ZNF709: variants seen among roughly 807,000 people sequenced by gnomAD.
ZNF709 encodes the protein zinc finger protein 709.
In ZNF709, 15 loss-of-function variants were observed where a neutral mutation model predicts 10.6. That is an observed-to-expected ratio of 1.41 (90% CI 0.95 to 2.18). The LOEUF is 2.18. Ranked by LOEUF, ZNF709 falls within the 30% of genes most tolerant of loss-of-function variation. ZNF709 has a pLI of 0.00. For missense variants in ZNF709, 589 were observed against 774.0 expected, an observed-to-expected ratio of 0.76 and a Z score of 2.84; for synonymous variants, 194 against 238.8, an observed-to-expected ratio of 0.81 and a Z score of 1.73.
chr19:12,468,092 G>A (rs1470992250), intron 1 of ZNF709, among the ~76,000 whole-genome samples: 1 of 149,224 alleles, frequency 6.7e-6, no homozygotes, highest in Non-Finnish European at 1.5e-5. Flanking sequence ...CCCCCGCCCG[G>A]CCAGCCGCCC....
chr19:12,467,254 C>T (rs1490594687), intron 1 of ZNF709, among the ~76,000 whole-genome samples: 1 of 152,238 alleles, frequency 6.6e-6, no homozygotes, highest in Admixed American at 6.5e-5. Context: ...TCTCCTGCCT[C>T]AGCCTGCCGA....
intron 1 of ZNF709, among the ~76,000 whole-genome samples, chr19:12,468,094 C>T (rs1254390166): frequency 1.3e-5 from 2 of 150,186 alleles, no homozygotes; most frequent in Non-Finnish European, 3.0e-5. Flanking sequence ...CCCGCCCGGC[C>T]AGCCGCCCAG....
rs1175526355 is a variant in ZNF709, at chr19:12,464,129, C to G, written c.1793G>C (p.Ser598Thr). Residue 598 changes from serine to threonine, a missense_variant, in exon 4 of 4, where the codon AGT (serine) becomes ACT (threonine). Transcript: ENST00000397732. ...ATGGATTCGAAAGGAACGTGAGCAA[C>G]TGAAGGCTTTGTCACATTGTTTACA... ...YECKQCDKAF[S>T]CSRSFRIHER... 1.3e-6 allele frequency: 2 copies of G among 1,567,024 alleles called. No homozygotes were observed. Among genetic ancestry groups the G allele is most frequent in the Admixed American group, 3.9e-5 (2 of 50,858 alleles).
At chr19:12,467,935 G>A (rs887799109) in intron 1 of ZNF709, among the ~76,000 whole-genome samples, 1 of 151,876 alleles carries the variant, frequency 6.6e-6, no homozygotes, top group Non-Finnish European at 1.5e-5. Flanking sequence ...AGGGAGGTGG[G>A]GGTCAGCCCC....
At chr19:12,466,586 A>G in intron 2 of ZNF709, 67 bp from the exon 3 acceptor site, 1 of 1,605,974 alleles carries the variant, frequency 6.2e-7, no homozygotes, top group East Asian at 2.2e-5. Context: ...TAGATTCTAA[A>G]TCTAGGATGA....
At position 12,484,725 on chromosome 19, in the gene ZNF709, A is replaced by C. The variant is rs979552355; in HGVS notation, c.-68T>G. 4 of 1,609,566 alleles carry C rather than the reference A, an allele frequency of 2.5e-6. No individual in the cohort carries two copies. In the African/African-American group the frequency reaches 5.4e-5, roughly 22 times the overall value. Reference sequence around the variant, plus strand: ...CGCGGCCAGCACAGGTCCTACCTCCACCTGAGGCCCTTCCTCCACCTGAGG... The same window carrying C: ...CGCGGCCAGCACAGGTCCTACCTCCCCCTGAGGCCCTTCCTCCACCTGAGG... On this transcript the variant is annotated 5_prime_UTR_variant, in exon 1 of 4. Transcript: ENST00000397732.
intron 1 of ZNF709, among the ~76,000 whole-genome samples, chr19:12,467,271 G>T (rs147670336): frequency 7.2e-5 from 11 of 152,190 alleles, no homozygotes; most frequent in Admixed American, 7.2e-4. Flanking sequence ...CCGAGTGCCT[G>T]CGATTGCAGG....
intron 1 of ZNF709, among the ~76,000 whole-genome samples, chr19:12,468,328 T>A (rs1046501804): frequency 2.0e-5 from 3 of 152,130 alleles, no homozygotes; most frequent in African/African-American, 7.2e-5. Context: ...CATGGGAGAC[T>A]TTTCATTTTG....
At chr19:12,468,673 C>T (rs2144992659) in intron 1 of ZNF709, among the ~76,000 whole-genome samples, 1 of 144,036 alleles carries the variant, frequency 6.9e-6, no homozygotes, top group Non-Finnish European at 1.5e-5. Flanking sequence ...CTGCGAGAAA[C>T]ACCCAAGAAT....
intron 1 of ZNF709, among the ~76,000 whole-genome samples, chr19:12,482,267 G>A (rs571577688): frequency 1.9e-4 from 29 of 151,644 alleles, no homozygotes; most frequent in African/African-American, 6.5e-4. Context: ...CAATTCAGAA[G>A]GAAAACCCAC....
intron 1 of ZNF709, among the ~76,000 whole-genome samples, chr19:12,477,764 T>C (rs934991293): frequency 3.9e-5 from 6 of 152,220 alleles, no homozygotes; most frequent in Non-Finnish European, 7.3e-5. Context: ...TTGGGTCAAA[T>C]TGTGGACCTC....
chr19:12,483,036 C>T (rs1228102523), intron 1 of ZNF709, among the ~76,000 whole-genome samples: 2 of 151,780 alleles, frequency 1.3e-5, no homozygotes, highest in Admixed American at 6.6e-5. Context: ...TTGAAATCAC[C>T]GAAAAGGAAA....
chr19:12,474,283 A>G (rs1158354737), intron 1 of ZNF709, among the ~76,000 whole-genome samples: 2 of 152,224 alleles, frequency 1.3e-5, no homozygotes, highest in Non-Finnish European at 2.9e-5. Context: ...AAGTGAGACT[A>G]CAAAGAATGT....
intron 1 of ZNF709, among the ~76,000 whole-genome samples, chr19:12,484,447 G>A (rs113554591): frequency 0.027 from 4,175 of 152,312 alleles, 89 homozygotes; most frequent in Non-Finnish European, 0.046. Flanking sequence ...CGCCGCGCAG[G>A]GACTTGACAA....
rs1031397918 is a variant in ZNF709, at chr19:12,462,915, A to T, written c.*1081T>A. The T allele has an allele frequency of 6.6e-6, 1 of 152,238 alleles. No individual in the cohort carries two copies. The highest frequency in any genetic ancestry group is 2.4e-5 in the African/African-American group (1 of 41,470). 9.4% of individuals were successfully genotyped at this position (152,238 alleles called of 1,614,324 possible). On this transcript the variant is annotated 3_prime_UTR_variant, in exon 4 of 4. Coordinates refer to ENST00000397732, the MANE Select transcript of ZNF709 (RefSeq NM_152601.4). ...ATCAATTCAACTTGTGTACAACTGTATAAGAGCTTACAGAATTATCTCATC... is the reference window on the plus strand; with the variant it reads ...ATCAATTCAACTTGTGTACAACTGTTTAAGAGCTTACAGAATTATCTCATC...
At chr19:12,467,946 C>T (rs1006207918) in intron 1 of ZNF709, among the ~76,000 whole-genome samples, 2 of 151,786 alleles carry the variant, frequency 1.3e-5, no homozygotes, top group East Asian at 2.0e-4. Context: ...GGTCAGCCCC[C>T]GCACGGCCAG....
rs1047217013 is a variant in ZNF709, at chr19:12,462,280, CTAAT to C, written c.*1712_*1715del. The C allele has an allele frequency of 3.3e-5, 5 of 152,180 alleles. No homozygotes were observed. Among genetic ancestry groups the C allele is most frequent in the African/African-American group, 1.2e-4 (5 of 41,448 alleles). 9.4% of individuals were successfully genotyped at this position (152,180 alleles called of 1,614,324 possible). On this transcript the variant is annotated 3_prime_UTR_variant, in exon 4 of 4. Coordinates refer to ENST00000397732, the MANE Select transcript of ZNF709 (RefSeq NM_152601.4). ...CACATATGGTGGCTATAAAACCTGA[CTAAT>C]GCTTTCTTCACTTCTGCCTTCCATA...
Position 12,475,844 on chromosome 19 carries a change from T to C in ZNF709, c.3+8811A>G, listed in dbSNP as rs1970673187. ...CACAACAAACTCCTCAAACTAGAGG[T>C]TGAGGATATAATCTTAATATACAAA... On this transcript the variant is annotated intron_variant, in intron 1 of 3. Transcript: ENST00000397732. 3.9e-5 allele frequency among the ~76,000 whole-genome samples: 6 copies of C among 151,982 alleles called. No homozygotes were observed. In the South Asian group the frequency reaches 1.0e-3, roughly 26 times the overall value.
chr19:12,464,543 G>A lies in ZNF709; in HGVS notation c.1379C>T (p.Ser460Phe), dbSNP rs372887774. ...TCTTTCATGCATTCGAAAGGAACTG[G>A]AACAACTGAAGGCTTTACCACACTG... ...CKQCGKAFSC[S>F]SSFRMHERIH... The change falls in exon 4 of 4, where the codon TCC becomes TTC. Residue 460 changes from serine to phenylalanine, a missense_variant. Around this residue, in one of 2 missense-constraint regions of ZNF709, gnomAD observed 171 missense variants for 277.7 expected, o/e 0.62. Transcript: ENST00000397732. 1.2e-6 allele frequency: 2 copies of A among 1,612,548 alleles called. No individual in the cohort carries two copies. Among genetic ancestry groups the A allele is most frequent in the African/African-American group, 2.7e-5 (2 of 74,786 alleles).
Sources: gnomAD v4.1 joint callset for allele counts (sites outside exome capture counted in the v4.1 genomes callset) on GRCh38, gnomAD v4.1.1 for gene constraint, gnomAD v4.1.1 regional missense constraint, MANE v1.5 for transcripts, NCBI Gene and HGNC (gene_info 2026-07-23, HGNC 2026-07-21) for gene names.